The following SLC25A19 variants were observed in gnomAD, a reference collection of about 807,000 sequenced individuals.
The protein encoded by SLC25A19 is mitochondrial thiamine pyrophosphate carrier.
SLC25A19 carries 18 observed loss-of-function variants against 27.9 expected under a neutral mutation model. The observed-to-expected ratio is 0.64, with a 90% CI of 0.45 to 0.96. The LOEUF (loss-of-function observed/expected upper bound fraction) is 0.96. Ranked by LOEUF, SLC25A19 falls within the 40% of genes least tolerant of loss-of-function variation. The probability of loss-of-function intolerance (pLI) is 0.00; values close to 1 mark genes in which losing one functional copy is unlikely to be tolerated. For missense variants in SLC25A19, 371 were observed against 418.3 expected (o/e 0.89, Z 0.99); for synonymous variants, 169 against 167.1 (o/e 1.01, Z -0.09).
At chr17:75,276,037 G>A (rs556297351) in intron 7 of SLC25A19, among the ~76,000 whole-genome samples, 1 of 152,120 alleles carries the variant, frequency 6.6e-6, no homozygotes, top group Non-Finnish European at 1.5e-5. Flanking sequence ...ACTTTGGGAG[G>A]CCGAGGCAGG....
At chr17:75,279,088 C>A (rs955967990) in intron 5 of SLC25A19, among the ~76,000 whole-genome samples, 8 of 151,844 alleles carry the variant, frequency 5.3e-5, no homozygotes, top group African/African-American at 1.7e-4. Context: ...GAACTCCTGA[C>A]CTCAAGTGAT....
In SLC25A19 at chr17:75,280,891, G is replaced by T. The variant is rs568837564; in HGVS notation, c.459+2532C>A. ...GAGGCGGTCACAGTGAGCTGAGATTGTGCCTCCAGACTGGGCGACAGAGCC... is the reference window on the plus strand; with the variant it reads ...GAGGCGGTCACAGTGAGCTGAGATTTTGCCTCCAGACTGGGCGACAGAGCC... On this transcript the variant is annotated intron_variant, in intron 5 of 7. Transcript: ENST00000416858. 1.8e-3 allele frequency among the ~76,000 whole-genome samples: 268 copies of T among 147,872 alleles called. 3 individuals are homozygous for T. Among genetic ancestry groups the T allele is most frequent in the African/African-American group, 5.7e-3 (227 of 39,922 alleles).
intron 5 of SLC25A19, among the ~76,000 whole-genome samples, 163 bp downstream of exon 5, chr17:75,283,260 C>G (rs1296266021): frequency 6.6e-6 from 1 of 152,120 alleles, no homozygotes; most frequent in Non-Finnish European, 1.5e-5. Flanking sequence ...AAGATCGCAC[C>G]ACTGCACTCC....
intron 5 of SLC25A19, among the ~76,000 whole-genome samples, chr17:75,282,706 G>C (rs2078069402): frequency 1.3e-5 from 2 of 151,366 alleles, no homozygotes; most frequent in South Asian, 4.2e-4. Context: ...CAAAAAATTA[G>C]CTGGGCGTGG....
chr17:75,285,901 G>A (rs976808864), intron 4 of SLC25A19, among the ~76,000 whole-genome samples: 3 of 152,178 alleles, frequency 2.0e-5, no homozygotes, highest in African/African-American at 7.2e-5. Context: ...CAGGCTGTGT[G>A]GCCTCGGACA....
rs879613731 is a variant in SLC25A19, at chr17:75,276,534, A to ATTTTTTTG, written c.774+818_774+819insCAAAAAAA. On this transcript the variant is annotated intron_variant, in intron 7 of 7. Transcript: ENST00000416858. ...AGGCGCCCACCACCATACCCAGCTAATTTTTATATTTTTAGTAGAAACGGG... is the reference window on the plus strand; with the variant it reads ...AGGCGCCCACCACCATACCCAGCTAATTTTTTTGTTTTTATATTTTTAGTAGAAACGGG... Among the ~76,000 whole-genome samples the ATTTTTTTG allele has an allele frequency of 1.1e-3, 162 of 149,382 alleles. 2 individuals carry two copies. Among genetic ancestry groups the ATTTTTTTG allele is most frequent in the Middle Eastern group, 3.5e-3 (1 of 286 alleles).
At chr17:75,275,411 C>A (rs1192366157) in intron 7 of SLC25A19, among the ~76,000 whole-genome samples, 1 of 152,116 alleles carries the variant, frequency 6.6e-6, no homozygotes, top group Non-Finnish European at 1.5e-5. Context: ...CCTACCTTGC[C>A]TCCCATTCCA....
intron 7 of SLC25A19, among the ~76,000 whole-genome samples, chr17:75,277,089 C>CA (rs1453683131): frequency 3.2e-4 from 48 of 151,492 alleles, no homozygotes; most frequent in Non-Finnish European, 3.7e-4. Flanking sequence ...GCCTGGGAAA[C>CA]AGAGTGAGAC....
intron 4 of SLC25A19, among the ~76,000 whole-genome samples, chr17:75,285,736 G>A (rs2078164950): frequency 1.3e-5 from 2 of 152,250 alleles, no homozygotes; most frequent in African/African-American, 4.8e-5. Flanking sequence ...CAGAGTGTAT[G>A]TGAAGTGCTT....
chr17:75,273,717 TAAG>T (rs1411065212), intron 7 of SLC25A19, 78 bp from the exon 8 acceptor site: 13 of 1,323,616 alleles, frequency 9.8e-6, no homozygotes, highest in Non-Finnish European at 1.4e-5. Context: ...TCACAGATCT[TAAG>T]AAGTACTTGC....
At chr17:75,278,506 T>C (rs2077955106) in intron 5 of SLC25A19, among the ~76,000 whole-genome samples, 171 bp from the exon 6 acceptor site, 1 of 152,104 alleles carries the variant, frequency 6.6e-6, no homozygotes, top group African/African-American at 2.4e-5. Flanking sequence ...GATGGCATTT[T>C]CCAGAAACTC....
At position 75,273,238 on chromosome 17, in the gene SLC25A19, TC is replaced by T. The variant is rs2145722960; in HGVS notation, c.*212del. 3.4e-6 allele frequency: 2 copies of T among 590,176 alleles called. No homozygotes were observed. Among genetic ancestry groups the T allele is most frequent in the South Asian group, 3.9e-5 (2 of 50,658 alleles). 36.6% of individuals were successfully genotyped at this position (590,176 alleles called of 1,614,324 possible). ...TGCTCCTTCTCACTGTGTCGTTGGC[TC>T]ACCATAGACCACGTCCTGCATTCCC... is the stretch of plus-strand genomic sequence containing the variant. On this transcript the variant is annotated 3_prime_UTR_variant, in exon 8 of 8. Coordinates refer to ENST00000416858, the MANE Select transcript of SLC25A19 (RefSeq NM_001126121.2).
intron 1 of SLC25A19, 97 bp downstream of exon 1, chr17:75,289,257 G>A (rs1233516895): frequency 2.0e-5 from 3 of 152,294 alleles, no homozygotes; most frequent in African/African-American, 7.2e-5. Flanking sequence ...CCTCTCGTGA[G>A]CGCCCGGGTG....
In SLC25A19 at chr17:75,283,348, A is replaced by G. The variant is rs904621327; in HGVS notation, c.459+75T>C. ...ACAAAAATAAATAAATAAATAAATAAAAAATAAAGAATGCTACCCCTGTGA... is the reference window on the plus strand; with the variant it reads ...ACAAAAATAAATAAATAAATAAATAGAAAATAAAGAATGCTACCCCTGTGA... On this transcript the variant is annotated intron_variant, in intron 5 of 7. Coordinates refer to ENST00000416858, the MANE Select transcript of SLC25A19 (RefSeq NM_001126121.2). 2.9e-6 allele frequency: 4 copies of G among 1,369,566 alleles called. No individual in the cohort carries two copies. The Admixed American group carries it at 1.1e-4, about 37-fold the overall frequency. 84.8% of individuals were successfully genotyped at this position (1,369,566 alleles called of 1,614,324 possible).
rs2306217 is a variant in SLC25A19 at position 75,278,100 on chromosome 17, T to C, written c.643+52A>G. ...AGCTCCTTTGTGATTTGGAAGGGGG[T>C]GTTCTGGTGGCTGGGGTGGGAGGGC... On this transcript the variant is annotated intron_variant, in intron 6 of 7. Coordinates refer to ENST00000416858, the MANE Select transcript of SLC25A19 (RefSeq NM_001126121.2). 0.17 allele frequency: 275,406 copies of C among 1,582,010 alleles called. 27,294 individuals are homozygous for C. Among genetic ancestry groups the C allele is most frequent in the African/African-American group, 0.41 (30,545 of 73,996 alleles).
At chr17:75,278,860 G>A (rs1169572652) in intron 5 of SLC25A19, among the ~76,000 whole-genome samples, 1 of 151,974 alleles carries the variant, frequency 6.6e-6, no homozygotes, top group Non-Finnish European at 1.5e-5. Context: ...GCTCATGCCT[G>A]TAATCCCAGC....
At chr17:75,277,892 G>T (rs1389583810) in intron 6 of SLC25A19, among the ~76,000 whole-genome samples, 1 of 151,690 alleles carries the variant, frequency 6.6e-6, no homozygotes, top group Non-Finnish European at 1.5e-5. Context: ...TTGCAATTTG[G>T]ACTTCTGACA....
intron 5 of SLC25A19, among the ~76,000 whole-genome samples, chr17:75,281,456 G>A (rs537828827): frequency 7.8e-4 from 119 of 152,214 alleles, no homozygotes; most frequent in African/African-American, 2.8e-3. Context: ...CAGCACTTTG[G>A]GAGACAGAGG....
chr17:75,281,706 C>T (rs186415443), intron 5 of SLC25A19, among the ~76,000 whole-genome samples: 9 of 152,180 alleles, frequency 5.9e-5, no homozygotes, highest in African/African-American at 1.7e-4. Flanking sequence ...AAAAACCAAC[C>T]AACCAAACAA....
Sources: gnomAD v4.1 joint callset for allele counts (sites outside exome capture counted in the v4.1 genomes callset) on GRCh38, gnomAD v4.1.1 for gene constraint, MANE v1.5 for transcripts, NCBI Gene and HGNC (gene_info 2026-07-23, HGNC 2026-07-21) for gene names.